The following TMEM163 variants were observed in gnomAD, a reference collection of about 807,000 sequenced individuals.
TMEM163 encodes the protein transmembrane protein 163.
In TMEM163, 17 loss-of-function variants were observed where a neutral mutation model predicts 29.3. The ratio of observed to expected loss-of-function variants is 0.58; its 90% confidence interval spans 0.40 to 0.87. The LOEUF (loss-of-function observed/expected upper bound fraction) is 0.87. TMEM163 is among the 40% of genes least tolerant of loss of function. The probability of loss-of-function intolerance (pLI) is 0.00; values close to 1 mark genes in which losing one functional copy is unlikely to be tolerated. For synonymous variants in TMEM163, 157 were observed against 160.6 expected (o/e 0.98, Z 0.17); for missense variants, 303 against 381.5 (o/e 0.79, Z 1.71).
At chr2:134,560,486 G>C (rs1574237938) in intron 2 of TMEM163, among the ~76,000 whole-genome samples, 1 of 152,114 alleles carries the variant, frequency 6.6e-6, no homozygotes, top group Non-Finnish European at 1.5e-5. Flanking sequence ...ACACCGGGAG[G>C]CCCAGCCGTG....
chr2:134,537,276 C>T (rs1051965983), intron 4 of TMEM163, among the ~76,000 whole-genome samples: 6 of 152,240 alleles, frequency 3.9e-5, no homozygotes, highest in Non-Finnish European at 8.8e-5. Flanking sequence ...CAGGCTGCTA[C>T]AGCAAAATAC....
chr2:134,531,712 T>TG (rs1014316189), intron 4 of TMEM163, among the ~76,000 whole-genome samples: 71 of 152,136 alleles, frequency 4.7e-4, no homozygotes, highest in African/African-American at 1.7e-3. Flanking sequence ...CCATGCCCTC[T>TG]GGGGTGCACC....
At chr2:134,651,175 TC>T in intron 2 of TMEM163, among the ~76,000 whole-genome samples, 1 of 69,068 alleles carries the variant, frequency 1.4e-5, no homozygotes, top group Non-Finnish European at 2.6e-5. Context: ...GTAAAAGTGT[TC>T]CTATTTCTCC....
chr2:134,571,719 C>T (rs1489675751), intron 2 of TMEM163, among the ~76,000 whole-genome samples: 2 of 152,206 alleles, frequency 1.3e-5, no homozygotes, highest in Non-Finnish European at 2.9e-5. Flanking sequence ...CCAGAGTCCT[C>T]TCCCAGTGGA....
intron 5 of TMEM163, among the ~76,000 whole-genome samples, chr2:134,473,136 G>A (rs1400236206): frequency 6.6e-6 from 1 of 152,026 alleles, no homozygotes; most frequent in East Asian, 1.9e-4. Context: ...TGTTTAAAAG[G>A]CCTAATATCA....
Position 134,564,752 on chromosome 2 carries a change from C to T in TMEM163, c.323-12661G>A, listed in dbSNP as rs150452215. Among the ~76,000 whole-genome samples, 876 of 152,256 alleles carry T rather than the reference C, an allele frequency of 5.8e-3. 7 individuals are homozygous for T. Among genetic ancestry groups the T allele is most frequent in the Non-Finnish European group, 0.01 (711 of 68,022 alleles). ...TGACCAATAAACATATGAAAATATA[C>T]TCTACTTATTGGTAACCAGGGACAA... is the stretch of plus-strand genomic sequence containing the variant. On this transcript the variant is annotated intron_variant, in intron 2 of 7. Coordinates refer to ENST00000281924, the MANE Select transcript of TMEM163 (RefSeq NM_030923.5).
At chr2:134,552,167 C>T in intron 2 of TMEM163, 76 bp from the exon 3 acceptor site, 1 of 1,158,444 alleles carries the variant, frequency 8.6e-7, no homozygotes. Flanking sequence ...CATTACATGG[C>T]CTTTTAAACA....
At chr2:134,554,880 G>A (rs760512685) in intron 2 of TMEM163, among the ~76,000 whole-genome samples, 4 of 152,168 alleles carry the variant, frequency 2.6e-5, no homozygotes, top group Non-Finnish European at 4.4e-5. Flanking sequence ...AAATATGAGC[G>A]AGATGGCTCC....
chr2:134,507,338 A>C (rs1192353631), intron 4 of TMEM163, among the ~76,000 whole-genome samples: 3 of 49,512 alleles, frequency 6.1e-5, no homozygotes, highest in African/African-American at 2.9e-4. Context: ...CTCTACCTCT[A>C]AATAAATAAA....
chr2:134,504,431 C>G (rs1327553934), intron 4 of TMEM163, among the ~76,000 whole-genome samples: 1 of 151,560 alleles, frequency 6.6e-6, no homozygotes, highest in Non-Finnish European at 1.5e-5. Context: ...AACATCACCC[C>G]CCAAGGGACA....
intron 6 of TMEM163, among the ~76,000 whole-genome samples, chr2:134,463,052 C>A (rs1184347338): frequency 5.3e-5 from 8 of 152,232 alleles, no homozygotes; most frequent in Non-Finnish European, 1.0e-4. Flanking sequence ...TGGGAGCCCA[C>A]AAAGCTGTTC....
intron 2 of TMEM163, among the ~76,000 whole-genome samples, chr2:134,702,793 G>T (rs1684731888): frequency 1.3e-5 from 2 of 151,966 alleles, no homozygotes; most frequent in African/African-American, 4.8e-5. Context: ...AGAAAGGTAG[G>T]AATATAAAGG....
At chr2:134,660,043 A>G (rs531348341) in intron 2 of TMEM163, among the ~76,000 whole-genome samples, 17 of 152,170 alleles carry the variant, frequency 1.1e-4, no homozygotes, top group Non-Finnish European at 2.5e-4. Flanking sequence ...TGAGGGAAGG[A>G]GCCAGCCTTG....
intron 2 of TMEM163, among the ~76,000 whole-genome samples, chr2:134,642,009 G>GGTC (rs1488330086): frequency 1.3e-5 from 2 of 151,958 alleles, no homozygotes; most frequent in African/African-American, 4.8e-5. Context: ...AACGGTGAAG[G>GGTC]GTCGATTCAT....
intron 2 of TMEM163, among the ~76,000 whole-genome samples, chr2:134,656,525 G>A (rs1683620241): frequency 6.6e-6 from 1 of 152,158 alleles, no homozygotes; most frequent in Admixed American, 6.5e-5. Flanking sequence ...GCTCACGCTG[G>A]GAGCTGTAGA....
intron 4 of TMEM163, among the ~76,000 whole-genome samples, chr2:134,534,451 T>C (rs1415029996): frequency 6.6e-6 from 1 of 152,134 alleles, no homozygotes; most frequent in African/African-American, 2.4e-5. Flanking sequence ...TCCTCAAGAT[T>C]GATTTATAAA....
At chr2:134,548,824 T>C (rs138372181) in intron 4 of TMEM163, among the ~76,000 whole-genome samples, 2,287 of 152,342 alleles carry the variant, frequency 0.015, 33 homozygotes, top group Non-Finnish European at 0.021. Flanking sequence ...TTTTAAGTAA[T>C]TTTGTGCATG....
At chr2:134,581,862 C>A (rs1414791734) in intron 2 of TMEM163, among the ~76,000 whole-genome samples, 3 of 152,220 alleles carry the variant, frequency 2.0e-5, no homozygotes, top group African/African-American at 4.8e-5. Flanking sequence ...CTCCCTCCTG[C>A]CCTTGAACCA....
chr2:134,521,471 C>T (rs577997466), intron 4 of TMEM163, among the ~76,000 whole-genome samples: 54 of 152,254 alleles, frequency 3.5e-4, no homozygotes, highest in Non-Finnish European at 4.9e-4. Flanking sequence ...AGGGATGCTG[C>T]GATGCACAGG....
Sources: gnomAD v4.1 joint callset for allele counts (sites outside exome capture counted in the v4.1 genomes callset) on GRCh38, gnomAD v4.1.1 for gene constraint, MANE v1.5 for transcripts, NCBI Gene and HGNC (gene_info 2026-07-23, HGNC 2026-07-21) for gene names.